The following CEP120 variants were observed in gnomAD, a reference collection of about 807,000 sequenced individuals.
CEP120 encodes the protein centrosomal protein of 120 kDa.
A neutral mutation model predicts 126.5 loss-of-function variants in CEP120; 113 were observed. The ratio of observed to expected loss-of-function variants is 0.89; its 90% CI spans 0.77 to 1.04. The LOEUF is 1.04. Among genes scored for constraint, CEP120 ranks in the 50% least tolerant of loss-of-function variants. The pLI is 0.00. For synonymous variants in CEP120, 400 were observed against 394.3 expected, an observed-to-expected ratio of 1.01 and a Z score of -0.17; for missense variants, 1,230 against 1,155.7, an observed-to-expected ratio of 1.06 and a Z score of -0.93.
Position 123,391,319 on chromosome 5 carries a change from C to A in CEP120, c.829G>T (p.Asp277Tyr). ...SKLQIHLCCGDQSLGSTEIPL... is the reference protein window; with the variant it reads ...SKLQIHLCCGYQSLGSTEIPL... ...ATTTCTGTACTTCCAAGTGACTGGT[C>A]TCCACAGCAGAGGTGAATCTAATAT... The change falls in exon 7 of 20, where the codon GAC (aspartate) becomes TAC (tyrosine). Residue 277 changes from aspartate to tyrosine, a missense_variant. Coordinates refer to ENST00000306467, the MANE Select transcript of CEP120 (RefSeq NM_001375405.1). 1 of 1,613,648 alleles carries A rather than the reference C, an allele frequency of 6.2e-7. No individual in the cohort carries two copies. Among genetic ancestry groups the A allele is most frequent in the Non-Finnish European group, 8.5e-7 (1 of 1,179,580 alleles).
chr5:123,389,988 A>G lies in CEP120; in HGVS notation c.1191T>C (p.Asp397=). The G allele has an allele frequency of 1.2e-6, 2 of 1,614,072 alleles. No individual in the cohort carries two copies. The highest frequency in any genetic ancestry group is 8.5e-7 in the Non-Finnish European group (1 of 1,180,010). The part of the protein sequence containing the change: ...PSHNQSPPTK[D]DATESEVESL... ...TTTCCACTTCACTTTCTGTTGCATC[A>G]TCTTTTGTTGGAGGTGACTGGTTGT... Residue 397 remains aspartate, a synonymous_variant, in exon 8 of 20, where the codon GAT becomes GAC. Coordinates refer to ENST00000306467, the MANE Select transcript of CEP120 (RefSeq NM_001375405.1).
chr5:123,401,047 G>A, intron 4 of CEP120: 2 of 1,563,142 alleles, frequency 1.3e-6, no homozygotes, highest in Non-Finnish European at 1.7e-6. Context: ...CTGAGGCCGG[G>A]GCTTGTGAGG....
chr5:123,355,369 C>G (rs930971572), intron 18 of CEP120, among the ~76,000 whole-genome samples: 3 of 152,162 alleles, frequency 2.0e-5, no homozygotes, highest in Non-Finnish European at 4.4e-5. Flanking sequence ...ACACTGACTT[C>G]CACAATGGAT....
At position 123,399,186 on chromosome 5, in the gene CEP120, C is replaced by A; in HGVS notation, c.562G>T (p.Asp188Tyr). ...HQIGPAEYCT[D>Y]SFIMSVTIAF... Reference sequence around the variant, plus strand: ...ATGGTCACTGACATAATAAAGGAGTCAGTACAGTATTCTGCTGGTCCAATC... The same window carrying A: ...ATGGTCACTGACATAATAAAGGAGTAAGTACAGTATTCTGCTGGTCCAATC... The change falls in exon 5 of 20, where the codon GAC becomes TAC. Residue 188 changes from aspartate to tyrosine, a missense_variant. Transcript: ENST00000306467. 1 of 1,613,868 alleles carries A rather than the reference C, an allele frequency of 6.2e-7. No individual in the cohort carries two copies.
intron 4 of CEP120, among the ~76,000 whole-genome samples, chr5:123,409,129 A>T (rs1450642102): frequency 2.0e-5 from 3 of 152,176 alleles, no homozygotes; most frequent in East Asian, 1.9e-4. Context: ...AACATTCAAA[A>T]ATCAATTAAT....
intron 5 of CEP120, among the ~76,000 whole-genome samples, chr5:123,394,049 G>C (rs1772591322): frequency 1.3e-5 from 2 of 152,178 alleles, no homozygotes; most frequent in Non-Finnish European, 2.9e-5. Flanking sequence ...AGAGTTGCTA[G>C]TTTCATGGCT....
intron 9 of CEP120, among the ~76,000 whole-genome samples, chr5:123,387,989 T>C (rs139544376): frequency 1.0e-3 from 137 of 134,518 alleles, no homozygotes; most frequent in African/African-American, 3.7e-3. Flanking sequence ...TACAGTTTTA[T>C]AGAAAAATCA....
In CEP120 at chr5:123,423,019, G is replaced by T. The variant is rs748378562; in HGVS notation, c.-21C>A. 5.6e-6 allele frequency: 9 copies of T among 1,611,822 alleles called. No individual in the cohort carries two copies. The highest frequency in any genetic ancestry group is 2.2e-5 in the East Asian group (1 of 44,856). On this transcript the variant is annotated 5_prime_UTR_variant, in exon 1 of 20. Transcript: ENST00000306467. Reference sequence around the variant, plus strand: ...ACCATGGTTGCGGTGAGCGGTCCGGGGGCGAAGGCGGCTGGGGGGAAGTGA... The same window carrying T: ...ACCATGGTTGCGGTGAGCGGTCCGGTGGCGAAGGCGGCTGGGGGGAAGTGA...
At chr5:123,362,597 T>C (rs536597895) in intron 18 of CEP120, among the ~76,000 whole-genome samples, 1 of 151,872 alleles carries the variant, frequency 6.6e-6, no homozygotes, top group African/African-American at 2.4e-5. Context: ...AATGATAAAT[T>C]CTGAAGGGCT....
chr5:123,385,359 T>C (rs1458508121), intron 10 of CEP120, among the ~76,000 whole-genome samples: 2 of 152,194 alleles, frequency 1.3e-5, no homozygotes, highest in African/African-American at 4.8e-5. Context: ...CATAAAATTA[T>C]ATCATATTTT....
chr5:123,420,362 G>T (rs1300615605), intron 1 of CEP120, among the ~76,000 whole-genome samples: 1 of 152,160 alleles, frequency 6.6e-6, no homozygotes. Context: ...TTCATCCTTG[G>T]AATCTAGTAC....
At chr5:123,420,833 T>C (rs924621153) in intron 1 of CEP120, among the ~76,000 whole-genome samples, 2 of 152,224 alleles carry the variant, frequency 1.3e-5, no homozygotes, top group Non-Finnish European at 2.9e-5. Flanking sequence ...TCTATTATTA[T>C]TCAGAAAATA....
At chr5:123,347,614 G>A (rs1228808822) in intron 19 of CEP120, among the ~76,000 whole-genome samples, 1 of 152,128 alleles carries the variant, frequency 6.6e-6, no homozygotes. Flanking sequence ...TGATCAAACT[G>A]TCTTGAAACT....
chr5:123,362,594 A>C (rs1349004723), intron 18 of CEP120, among the ~76,000 whole-genome samples: 1 of 151,746 alleles, frequency 6.6e-6, no homozygotes, highest in African/African-American at 2.4e-5. Flanking sequence ...TTAAATGATA[A>C]ATTCTGAAGG....
chr5:123,402,792 T>G (rs1224286599), intron 4 of CEP120, among the ~76,000 whole-genome samples: 1 of 152,240 alleles, frequency 6.6e-6, no homozygotes, highest in Non-Finnish European at 1.5e-5. Flanking sequence ...AACTCAGGTG[T>G]TGAAACTTAA....
chr5:123,400,624 T>TAC (rs1773127228), intron 4 of CEP120, among the ~76,000 whole-genome samples: 1 of 142,480 alleles, frequency 7.0e-6, no homozygotes, highest in African/African-American at 2.6e-5. Flanking sequence ...TACATATATA[T>TAC]ACACATAAAT....
intron 18 of CEP120, among the ~76,000 whole-genome samples, chr5:123,355,606 A>G (rs1041285714): frequency 3.3e-5 from 5 of 151,902 alleles, no homozygotes; most frequent in Admixed American, 1.3e-4. Flanking sequence ...GTCTGTTCAT[A>G]TCCTTCGCCC....
At position 123,360,190 on chromosome 5, in the gene CEP120, A is replaced by G. The variant is rs565799889; in HGVS notation, c.2580+4306T>C. 3.3e-5 allele frequency among the ~76,000 whole-genome samples: 5 copies of G among 152,100 alleles called. No homozygotes were observed. The South Asian group carries it at 8.3e-4, about 25-fold the overall frequency. The stretch of plus-strand genomic sequence containing the variant: ...TCCAAAATTACATTCAAGCACAATA[A>G]ATGTGTTTTTAATAAAAAGTTTAAG... On this transcript the variant is annotated intron_variant, in intron 18 of 19. Transcript: ENST00000306467.
In CEP120 at chr5:123,378,440, TA is replaced by T. The variant is rs76942218; in HGVS notation, c.2104-13del. 0.16 allele frequency: 165,482 copies of T among 1,039,354 alleles called. 104 individuals are homozygous for T. Among genetic ancestry groups the T allele is most frequent in the East Asian group, 0.23 (7,216 of 30,796 alleles). 64.4% of individuals were successfully genotyped at this position (1,039,354 alleles called of 1,614,324 possible). ...GTATATTCAGCCACCTAAAATATAG[TA>T]AAAAAAAAAAAAAAAAAGTTACCTA... On this transcript the variant is annotated splice_polypyrimidine_tract_variant and intron_variant, in intron 14 of 19. Transcript: ENST00000306467.
Sources: gnomAD v4.1 joint callset for allele counts (sites outside exome capture counted in the v4.1 genomes callset) on GRCh38, gnomAD v4.1.1 for gene constraint, MANE v1.5 for transcripts, NCBI Gene and HGNC (gene_info 2026-07-23, HGNC 2026-07-21) for gene names.